GALNT7: variants seen among roughly 807,000 people sequenced by gnomAD.
GALNT7 encodes N-acetylgalactosaminyltransferase 7.
A neutral mutation model predicts 82.1 loss-of-function variants in GALNT7; 60 were observed. The observed-to-expected ratio is 0.73, with a 90% CI of 0.59 to 0.91. GALNT7 has a LOEUF of 0.91. Ranked by LOEUF, GALNT7 falls within the 40% of genes least tolerant of loss-of-function variation. The probability of loss-of-function intolerance (pLI) is 0.00; values close to 1 mark genes in which losing one functional copy is unlikely to be tolerated. For missense variants in GALNT7, 660 were observed against 804.2 expected, an observed-to-expected ratio of 0.82 and a Z score of 2.17; for synonymous variants, 243 against 275.1, an observed-to-expected ratio of 0.88 and a Z score of 1.15.
At chr4:173,202,938 GTACT>G (rs1732985123) in intron 1 of GALNT7, among the ~76,000 whole-genome samples, 2 of 151,436 alleles carry the variant, frequency 1.3e-5, no homozygotes, top group South Asian at 4.2e-4. Flanking sequence ...TCATTTTACA[GTACT>G]TAAAGTATAT....
At chr4:173,214,367 AT>A (rs1733376510) in intron 1 of GALNT7, among the ~76,000 whole-genome samples, 1 of 151,764 alleles carries the variant, frequency 6.6e-6, no homozygotes, top group Admixed American at 6.5e-5. Context: ...AGAAAGCTTT[AT>A]TTTGAGGAGT....
At position 173,297,966 on chromosome 4, in the gene GALNT7, T is replaced by C. The variant is rs989291623; in HGVS notation, c.966-149T>C. The C allele has an allele frequency of 2.7e-6, 4 of 1,481,512 alleles. No individual in the cohort carries two copies. The African/African-American group carries it at 4.3e-5, about 16-fold the overall frequency. 91.8% of individuals were successfully genotyped at this position (1,481,512 alleles called of 1,614,324 possible). On this transcript the variant is annotated intron_variant, in intron 5 of 11. Transcript: ENST00000265000. ...AAAAGGCCAAAAGAAAACATAAAAC[T>C]GAACCTTATCGGTAAAGACTATTAC...
At position 173,314,107 on chromosome 4, in the gene GALNT7, C is replaced by A; in HGVS notation, c.1539C>A (p.Phe513Leu). ...ACAACTGCAAAAGTTTTAAGTGGTT[C>A]ATGGAAGAAATAGCTTATGATATCA... Reference protein sequence around the residue: ...EDHNCKSFKWFMEEIAYDITS... With the variant: ...EDHNCKSFKWLMEEIAYDITS... Residue 513 changes from phenylalanine to leucine, a missense_variant, in exon 9 of 12, where the codon TTC becomes TTA. Phe to Leu is a conservative substitution (Grantham distance 22). This residue lies in a region of GALNT7 where 527 missense variants were observed against 683.5 expected (regional missense o/e 0.77). Transcript: ENST00000265000. 1 of 1,613,902 alleles carries A rather than the reference C, an allele frequency of 6.2e-7. No homozygotes were observed. Among genetic ancestry groups the A allele is most frequent in the Non-Finnish European group, 8.5e-7 (1 of 1,179,896 alleles).
At chr4:173,297,792 C>G (rs1258278653) in intron 5 of GALNT7, 2 of 1,353,258 alleles carry the variant, frequency 1.5e-6, no homozygotes, top group Non-Finnish European at 1.9e-6. Context: ...GTAAATGTTT[C>G]AGAACTACAT....
intron 2 of GALNT7, chr4:173,282,441 G>T (rs1561188201): frequency 6.6e-6 from 1 of 152,182 alleles, no homozygotes; most frequent in African/African-American, 2.4e-5. Flanking sequence ...GCCCATTGCT[G>T]TGACTTTTCA....
At chr4:173,315,591 A>G (rs1055082452) in intron 9 of GALNT7, among the ~76,000 whole-genome samples, 19 of 152,224 alleles carry the variant, frequency 1.2e-4, no homozygotes, top group African/African-American at 4.6e-4. Context: ...GTTCAGGAAT[A>G]GAAGGAAAAA....
At position 173,298,351 on chromosome 4, in the gene GALNT7, T is replaced by C; in HGVS notation, c.1148+54T>C. 3.4e-6 allele frequency: 4 copies of C among 1,191,590 alleles called. No homozygotes were observed. In the South Asian group the frequency reaches 6.1e-5, roughly 18 times the overall value. The allele number at this position is 1,191,590 out of a possible 1,614,324, so 73.8% of individuals were successfully genotyped here. ...CTTTTCTCCAGTTGCTGCTAACCTA[T>C]TAACCTCTTGCCAAGCTAAAGATTC... On this transcript the variant is annotated intron_variant, in intron 6 of 11. Transcript: ENST00000265000.
intron 1 of GALNT7, among the ~76,000 whole-genome samples, chr4:173,192,196 A>G (rs1054865727): frequency 5.3e-5 from 8 of 152,200 alleles, no homozygotes; most frequent in South Asian, 2.1e-4. Context: ...CATGTGCTGT[A>G]TATTTACCAG....
chr4:173,280,303 A>G (rs1448971205), intron 2 of GALNT7, among the ~76,000 whole-genome samples: 1 of 152,224 alleles, frequency 6.6e-6, no homozygotes, highest in Non-Finnish European at 1.5e-5. Flanking sequence ...TGAATTAGAT[A>G]TTATTTATTG....
At chr4:173,225,045 TAATA>T (rs1561161786) in intron 1 of GALNT7, among the ~76,000 whole-genome samples, 13 of 148,820 alleles carry the variant, frequency 8.7e-5, no homozygotes, top group Non-Finnish European at 1.6e-4. Context: ...ATAATAATAA[TAATA>T]ATTATAATTA....
chr4:173,307,372 G>A (rs1352006765), intron 8 of GALNT7, among the ~76,000 whole-genome samples: 1 of 152,214 alleles, frequency 6.6e-6, no homozygotes, highest in Non-Finnish European at 1.5e-5. Flanking sequence ...AACAGAATGC[G>A]AGGTACCAGA....
intron 8 of GALNT7, among the ~76,000 whole-genome samples, chr4:173,305,794 A>G (rs913115548): frequency 3.3e-5 from 5 of 152,104 alleles, no homozygotes; most frequent in African/African-American, 1.2e-4. Flanking sequence ...TTTGATTACT[A>G]TAGCTTAGTA....
intron 1 of GALNT7, among the ~76,000 whole-genome samples, chr4:173,239,658 T>A (rs1177282428): frequency 6.6e-6 from 1 of 152,196 alleles, no homozygotes; most frequent in Admixed American, 6.5e-5. Context: ...TGAACTATTG[T>A]GTAGTTAATG....
chr4:173,280,001 T>TA (rs891408778), intron 2 of GALNT7, among the ~76,000 whole-genome samples: 12 of 151,866 alleles, frequency 7.9e-5, no homozygotes, highest in African/African-American at 1.5e-4. Flanking sequence ...AAAGGATAGT[T>TA]AAAAAAAATC....
At chr4:173,232,269 C>T (rs1734053218) in intron 1 of GALNT7, among the ~76,000 whole-genome samples, 1 of 149,972 alleles carries the variant, frequency 6.7e-6, no homozygotes, top group Non-Finnish European at 1.5e-5. Context: ...CTTTCAGTCT[C>T]TTAAAAAAAA....
chr4:173,194,547 T>G (rs943386399), intron 1 of GALNT7, among the ~76,000 whole-genome samples: 1 of 152,210 alleles, frequency 6.6e-6, no homozygotes, highest in Non-Finnish European at 1.5e-5. Context: ...AAACTGATAA[T>G]CAGTTTTGAA....
At position 173,314,122 on chromosome 4, in the gene GALNT7, T is replaced by A. The variant is rs1737499024; in HGVS notation, c.1554T>A (p.Ala518=). The A allele has an allele frequency of 1.9e-6, 3 of 1,614,014 alleles. No individual in the cohort carries two copies. Among genetic ancestry groups the A allele is most frequent in the Non-Finnish European group, 2.5e-6 (3 of 1,179,912 alleles). ...KSFKWFMEEI[A]YDITSHYPLP... The stretch of plus-strand genomic sequence containing the variant: ...TTAAGTGGTTCATGGAAGAAATAGC[T>A]TATGATATCACCTCACACTACCCTT... Residue 518 remains alanine (A), a synonymous_variant, in exon 9 of 12, where the codon GCT becomes GCA. Coordinates refer to ENST00000265000, the MANE Select transcript of GALNT7 (RefSeq NM_017423.3).
intron 2 of GALNT7, among the ~76,000 whole-genome samples, chr4:173,271,901 A>G (rs933357790): frequency 1.3e-5 from 2 of 152,174 alleles, no homozygotes; most frequent in Admixed American, 6.5e-5. Context: ...TTTGCTAGCT[A>G]TATGATCTGC....
At chr4:173,199,680 C>G (rs999228732) in intron 1 of GALNT7, among the ~76,000 whole-genome samples, 3 of 152,138 alleles carry the variant, frequency 2.0e-5, no homozygotes, top group East Asian at 1.9e-4. Context: ...GTTTTCTACC[C>G]AATTTAACTT....
Sources: allele counts gnomAD v4.1 joint callset (sites outside exome capture counted in the v4.1 genomes callset), GRCh38; gene constraint gnomAD v4.1.1; regional missense constraint gnomAD v4.1.1; transcripts MANE v1.5; gene names NCBI Gene and HGNC (gene_info 2026-07-23, HGNC 2026-07-21).